The following COL26A1 variants were observed in gnomAD, a reference collection of about 807,000 sequenced individuals.
The protein encoded by COL26A1 is collagen alpha-1(XXVI) chain.
COL26A1 carries 41 observed loss-of-function variants against 59.3 expected under a neutral mutation model. The ratio of observed to expected loss-of-function variants is 0.69; its 90% CI spans 0.54 to 0.90. The LOEUF (loss-of-function observed/expected upper bound fraction) is 0.90. COL26A1 is among the 40% of genes least tolerant of loss of function. The pLI, the probability that COL26A1 is intolerant of heterozygous loss-of-function variation, is 0.00. For missense variants in COL26A1, 612 were observed against 602.3 expected (o/e 1.02, Z -0.17); for synonymous variants, 266 against 256.0 (o/e 1.04, Z -0.37).
chr7:101,536,436 G>A (rs1399831805), intron 4 of COL26A1, among the ~76,000 whole-genome samples: 1 of 152,274 alleles, frequency 6.6e-6, no homozygotes, highest in Non-Finnish European at 1.5e-5. Context: ...CCATGCCGAG[G>A]TCAGGCGAGT....
intron 1 of COL26A1, among the ~76,000 whole-genome samples, chr7:101,377,728 T>A (rs1562954022): frequency 6.6e-6 from 1 of 152,112 alleles, no homozygotes; most frequent in Admixed American, 6.6e-5. Context: ...TGACCAGCAG[T>A]GACTTACTTC....
chr7:101,434,940 G>T (rs1792880624), intron 2 of COL26A1, among the ~76,000 whole-genome samples: 1 of 152,150 alleles, frequency 6.6e-6, no homozygotes, highest in African/African-American at 2.4e-5. Context: ...GGGAGACCTG[G>T]TCCGTGGGTT....
chr7:101,407,545 C>T (rs1792155593), intron 1 of COL26A1, among the ~76,000 whole-genome samples: 1 of 151,704 alleles, frequency 6.6e-6, no homozygotes, highest in Non-Finnish European at 1.5e-5. Context: ...TAGATATCTC[C>T]TCCCGGGGCT....
chr7:101,392,433 ACT>A (rs1791756571), intron 1 of COL26A1, among the ~76,000 whole-genome samples: 1 of 119,312 alleles, frequency 8.4e-6, no homozygotes, highest in Non-Finnish European at 1.6e-5. Flanking sequence ...ATGGAGTCTC[ACT>A]CTGTCATCTA....
intron 2 of COL26A1, among the ~76,000 whole-genome samples, chr7:101,426,326 TA>T (rs1176957648): frequency 1.3e-5 from 2 of 152,086 alleles, no homozygotes; most frequent in Non-Finnish European, 2.9e-5. Context: ...TAAATGACGT[TA>T]CCAAAAGAAG....
At chr7:101,490,851 T>G (rs1794442261) in intron 3 of COL26A1, among the ~76,000 whole-genome samples, 1 of 151,498 alleles carries the variant, frequency 6.6e-6, no homozygotes, top group African/African-American at 2.4e-5. Context: ...ATACAAAAAT[T>G]AGCCAGGCAT....
At chr7:101,406,462 G>A (rs773869783) in intron 1 of COL26A1, among the ~76,000 whole-genome samples, 1 of 152,174 alleles carries the variant, frequency 6.6e-6, no homozygotes, top group Admixed American at 6.5e-5. Context: ...GGGATGACCC[G>A]ATTTGTGCCA....
chr7:101,430,898 A>G (rs1372223769), intron 2 of COL26A1, among the ~76,000 whole-genome samples: 1 of 151,800 alleles, frequency 6.6e-6, no homozygotes, highest in African/African-American at 2.4e-5. Flanking sequence ...GGTTCAAGCA[A>G]TTCTTCTGCC....
chr7:101,557,319 CA>C, intron 12 of COL26A1, 50 bp from the exon 13 acceptor site: 1 of 1,555,946 alleles, frequency 6.4e-7, no homozygotes, highest in Non-Finnish European at 8.8e-7. Flanking sequence ...AATGTACCCC[CA>C]AGTGTTCCTA....
At chr7:101,394,437 T>G (rs959711899) in intron 1 of COL26A1, among the ~76,000 whole-genome samples, 8 of 152,076 alleles carry the variant, frequency 5.3e-5, no homozygotes, top group African/African-American at 1.9e-4. Context: ...GACAGGGTCT[T>G]GCTGTGTTGC....
chr7:101,518,525 C>T (rs1373829557), intron 3 of COL26A1, among the ~76,000 whole-genome samples: 3 of 152,222 alleles, frequency 2.0e-5, no homozygotes, highest in African/African-American at 7.2e-5. Context: ...TCCGTCTCCC[C>T]CTGCACTTGG....
At chr7:101,536,494 C>A (rs1316150866) in intron 4 of COL26A1, among the ~76,000 whole-genome samples, 1 of 152,184 alleles carries the variant, frequency 6.6e-6, no homozygotes, top group Admixed American at 6.5e-5. Context: ...AGATCAGAGG[C>A]TAGGGGTCAG....
chr7:101,441,643 A>G (rs1031384333), intron 2 of COL26A1, among the ~76,000 whole-genome samples: 2 of 152,132 alleles, frequency 1.3e-5, no homozygotes, highest in Admixed American at 6.6e-5. Context: ...TATTGTTCTC[A>G]TGACCATCTT....
At chr7:101,427,283 G>A (rs1161149341) in intron 2 of COL26A1, among the ~76,000 whole-genome samples, 1 of 152,132 alleles carries the variant, frequency 6.6e-6, no homozygotes, top group Non-Finnish European at 1.5e-5. Context: ...GGCTGGTCTT[G>A]AACTCCTGGC....
intron 3 of COL26A1, among the ~76,000 whole-genome samples, chr7:101,494,207 A>T (rs148941412): frequency 2.3e-4 from 34 of 151,084 alleles, no homozygotes; most frequent in Non-Finnish European, 4.6e-4. Flanking sequence ...GCTCACTGCA[A>T]ACTCCGCTGT....
At chr7:101,362,567 A>C (rs1379970256), upstream of COL26A1, among the ~76,000 whole-genome samples, 1 of 152,188 alleles carries the variant, frequency 6.6e-6, no homozygotes, top group Non-Finnish European at 1.5e-5. Context: ...CAGTGTGGCG[A>C]GGATTCACCA....
chr7:101,499,526 A>G (rs1794656481), intron 3 of COL26A1, among the ~76,000 whole-genome samples: 1 of 152,106 alleles, frequency 6.6e-6, no homozygotes, highest in African/African-American at 2.4e-5. Context: ...TCTACTAAAA[A>G]TACAAAAATT....
At chr7:101,467,006 A>C (rs529584178) in intron 3 of COL26A1, among the ~76,000 whole-genome samples, 5 of 152,032 alleles carry the variant, frequency 3.3e-5, no homozygotes, top group Admixed American at 3.3e-4. Flanking sequence ...ACCCCCTGCA[A>C]AGCTGCTGTT....
chr7:101,521,209 G>T (rs1034018723), intron 3 of COL26A1, among the ~76,000 whole-genome samples: 2 of 152,048 alleles, frequency 1.3e-5, no homozygotes, highest in South Asian at 2.1e-4. Flanking sequence ...AACAGCACGG[G>T]GAGACCACCC....
Sources: gnomAD v4.1 joint callset for allele counts (sites outside exome capture counted in the v4.1 genomes callset) on GRCh38, gnomAD v4.1.1 for gene constraint, MANE v1.5 for transcripts, NCBI Gene and HGNC (gene_info 2026-07-23, HGNC 2026-07-21) for gene names.